Variants in CEACAM1 observed in about 807,000 individuals in gnomAD.
CEACAM1 encodes cell adhesion molecule CEACAM1.
A neutral mutation model predicts 49.1 loss-of-function variants in CEACAM1; 31 were observed. The observed-to-expected ratio is 0.63, with a 90% CI of 0.47 to 0.85. The LOEUF (loss-of-function observed/expected upper bound fraction) is 0.85, where lower values mean the gene tolerates loss of function less well. CEACAM1 is among the 40% of genes least tolerant of loss of function. The pLI, the probability that CEACAM1 is intolerant of heterozygous loss-of-function variation, is 0.00. For missense variants in CEACAM1, 570 were observed against 645.3 expected, an observed-to-expected ratio of 0.88 and a Z score of 1.26; for synonymous variants, 244 against 247.8, an observed-to-expected ratio of 0.98 and a Z score of 0.14.
rs1174031682 is a variant in CEACAM1, at chr19:42,509,213, A to T, written c.1477T>A (p.Tyr493Asn). ...DPPNKMNEVT[Y>N]STLNFEAQQP... is the part of the protein sequence containing the mutation. ...TGGGCTTCAAAGTTCAGGGTAGAAT[A>T]AGTAACTTCATTCATCTGAAAAGCA... The change falls in exon 9 of 9, where the codon TAT (tyrosine) becomes AAT (asparagine). Residue 493 changes from tyrosine (Y) to asparagine (N), a missense_variant. By Grantham distance (143) the Tyr-to-Asn change is moderately radical. Transcript: ENST00000161559. 29 of 1,611,062 alleles carry T rather than the reference A, an allele frequency of 1.8e-5. No homozygotes were observed. Among genetic ancestry groups the T allele is most frequent in the Non-Finnish European group, 2.5e-5 (29 of 1,178,546 alleles).
intron 4 of CEACAM1, 180 bp downstream of exon 4, chr19:42,521,087 A>G: frequency 1.4e-6 from 1 of 709,414 alleles, no homozygotes; most frequent in Non-Finnish European, 2.4e-6. Flanking sequence ...GCTGTGAGAA[A>G]TCAGAAAAAC....
Sources: gnomAD v4.1 joint callset for allele counts on GRCh38, gnomAD v4.1.1 for gene constraint, MANE v1.5 for transcripts, NCBI Gene and HGNC (gene_info 2026-07-23, HGNC 2026-07-21) for gene names.